OR51L1: variants seen among roughly 807,000 people sequenced by gnomAD.
OR51L1 encodes the protein olfactory receptor 51L1.
OR51L1 carries 1 observed loss-of-function variant against 1.4 expected under a neutral mutation model. The observed-to-expected ratio is 0.72, with a 90% confidence interval of 0.26 to 3.42. The LOEUF (loss-of-function observed/expected upper bound fraction) is 3.42, where lower values mean the gene tolerates loss of function less well. Among genes scored for constraint, OR51L1 ranks in the 30% most tolerant of loss-of-function variants. The pLI is 0.20. For synonymous variants in OR51L1, 156 were observed against 144.2 expected (o/e 1.08, Z -0.59); for missense variants, 378 against 380.0 (o/e 0.99, Z 0.04).
chr11:4,995,806 T>G (rs1271648836), intron 1 of OR51L1, among the ~76,000 whole-genome samples: 1 of 150,938 alleles, frequency 6.6e-6, no homozygotes, highest in Non-Finnish European at 1.5e-5. Flanking sequence ...AGAAATAGAG[T>G]CAAAAGAAAA....
chr11:5,001,427 C>T lies in OR51L1; in HGVS notation c.*1497C>T, dbSNP rs1847130751. 1 of 152,128 alleles carries T rather than the reference C, an allele frequency of 6.6e-6. No individual in the cohort carries two copies. The allele number at this position is 152,128 out of a possible 1,614,324, so 9.4% of individuals were successfully genotyped here. On this transcript the variant is annotated 3_prime_UTR_variant, in exon 3 of 3. Coordinates refer to ENST00000641819, the MANE Select transcript of OR51L1 (RefSeq NM_001004755.2). ...ACAGGAATTGTTGAAGAAAGCCTGA[C>T]AGTACATGTCTAACCATCTGGGCAA...
chr11:4,999,093 T>C lies in OR51L1; in HGVS notation c.111T>C (p.Tyr37=). The change falls in exon 3 of 3, where the codon TAT becomes TAC. Residue 37 remains tyrosine (Y), a synonymous_variant. Transcript: ENST00000641819. ...TCTCCATCCTCTTCTGTCTTGCATA[T>C]TTGGTAGCATTTATGGGTAATGTTA... ...SWLSILFCLA[Y]LVAFMGNVTI... is the part of the protein sequence containing the mutation. 6.2e-7 allele frequency: 1 copy of C among 1,614,160 alleles called. No homozygotes were observed. Among genetic ancestry groups the C allele is most frequent in the Non-Finnish European group, 8.5e-7 (1 of 1,180,000 alleles).
rs1847153700 is a variant in OR51L1, at chr11:5,003,948, A to G, written c.*4018A>G. ...TGTATTTTTAAGGAGATATTTGCCT[A>G]TTCTGTCATTCAGGATCCAGTAAGA... is the stretch of plus-strand genomic sequence containing the variant. On this transcript the variant is annotated 3_prime_UTR_variant, in exon 3 of 3. Transcript: ENST00000641819. 1 of 152,178 alleles carries G rather than the reference A, an allele frequency of 6.6e-6. No homozygotes were observed. Among genetic ancestry groups the G allele is most frequent in the African/African-American group, 2.4e-5 (1 of 41,450 alleles). The allele number at this position is 152,178 out of a possible 1,614,324, so 9.4% of individuals were successfully genotyped here.
Position 4,998,955 on chromosome 11 carries a change from A to G in OR51L1, c.-28A>G, listed in dbSNP as rs373038829. 8 of 1,594,684 alleles carry G rather than the reference A, an allele frequency of 5.0e-6. No homozygotes were observed. The highest frequency in any genetic ancestry group is 1.3e-5 in the African/African-American group (1 of 74,362). ...GGAAGGAAAACACGAACCATTCCTCACTACTTGCTGAATTACTCAAAGTCA... is the reference window on the plus strand; with the variant it reads ...GGAAGGAAAACACGAACCATTCCTCGCTACTTGCTGAATTACTCAAAGTCA... On this transcript the variant is annotated 5_prime_UTR_variant, in exon 3 of 3. Coordinates refer to ENST00000641819, the MANE Select transcript of OR51L1 (RefSeq NM_001004755.2).
At chr11:4,997,761 A>G (rs973872299) in intron 2 of OR51L1, among the ~76,000 whole-genome samples, 178 bp downstream of exon 2, 3 of 152,182 alleles carry the variant, frequency 2.0e-5, no homozygotes, top group African/African-American at 7.2e-5. Flanking sequence ...GGCTATTACA[A>G]TAACAATTGC....
At position 4,997,464 on chromosome 11, in the gene OR51L1, AT is replaced by A. The variant is rs1847083241; in HGVS notation, c.-261-17del. On this transcript the variant is annotated splice_polypyrimidine_tract_variant and intron_variant, in intron 1 of 2. Coordinates refer to ENST00000641819, the MANE Select transcript of OR51L1 (RefSeq NM_001004755.2). ...TTACTCTAGGATGAGGCTAAGTCTT[AT>A]CTTAATCTTTCAAAAGGTCAGAGAC... 6.6e-6 allele frequency: 1 copy of A among 152,204 alleles called. No homozygotes were observed. The highest frequency in any genetic ancestry group is 1.5e-5 in the Non-Finnish European group (1 of 68,036). 9.4% of individuals were successfully genotyped at this position (152,204 alleles called of 1,614,324 possible).
Position 5,003,658 on chromosome 11 carries a change from T to C in OR51L1, c.*3728T>C, listed in dbSNP as rs893290721. 2.0e-5 allele frequency: 3 copies of C among 152,160 alleles called. No individual in the cohort carries two copies. The highest frequency in any genetic ancestry group is 2.9e-5 in the Non-Finnish European group (2 of 68,034). 9.4% of individuals were successfully genotyped at this position (152,160 alleles called of 1,614,324 possible). On this transcript the variant is annotated 3_prime_UTR_variant, in exon 3 of 3. Transcript: ENST00000641819. The stretch of plus-strand genomic sequence containing the variant: ...ATAAAATTCTCAAGGATTCCTTTTT[T>C]TCAGGCAGATGAAACAGGATGAGAA...
chr11:5,000,127 C>T lies in OR51L1; in HGVS notation c.*197C>T, dbSNP rs1240541712. 16 of 547,906 alleles carry T rather than the reference C, an allele frequency of 2.9e-5. No individual in the cohort carries two copies. The highest frequency in any genetic ancestry group is 2.3e-4 in the South Asian group (7 of 30,438). 33.9% of individuals were successfully genotyped at this position (547,906 alleles called of 1,614,324 possible). A position where few individuals can be genotyped will look rare whatever the true frequency, so the allele number is the denominator to read the frequency against. On this transcript the variant is annotated 3_prime_UTR_variant, in exon 3 of 3. Transcript: ENST00000641819. ...ACAAATTGTGACAACTATGGCCTTA[C>T]GTTGTCCCCAGGTCATTACAAGACT...
In OR51L1 at chr11:4,998,912, G is replaced by C; in HGVS notation, c.-71G>C. 6.6e-7 allele frequency: 1 copy of C among 1,505,828 alleles called. No individual in the cohort carries two copies. The highest frequency in any genetic ancestry group is 9.0e-7 in the Non-Finnish European group (1 of 1,112,238). The allele number at this position is 1,505,828 out of a possible 1,614,324, so 93.3% of individuals were successfully genotyped here. On this transcript the variant is annotated 5_prime_UTR_variant, in exon 3 of 3. Coordinates refer to ENST00000641819, the MANE Select transcript of OR51L1 (RefSeq NM_001004755.2). ...CATTCCATTATTTGTACTCAAAAGA[G>C]ATAACTTTGAGGGATCAGGAAGGAA...
At chr11:4,996,705 TCCTTC>T (rs1275411061) in intron 1 of OR51L1, among the ~76,000 whole-genome samples, 31 of 133,540 alleles carry the variant, frequency 2.3e-4, no homozygotes, top group African/African-American at 8.7e-4. Flanking sequence ...TTCTTTTCCT[TCCTTC>T]CTTTCTTTTC....
intron 1 of OR51L1, among the ~76,000 whole-genome samples, chr11:4,997,017 G>A (rs1248282180): frequency 6.6e-6 from 1 of 152,114 alleles, no homozygotes; most frequent in East Asian, 1.9e-4. Context: ...TACTCTGCTG[G>A]GTGTGAAGAA....
rs1393597878 is a variant in OR51L1 at position 5,001,135 on chromosome 11, A to C, written c.*1205A>C. 1 of 151,910 alleles carries C rather than the reference A, an allele frequency of 6.6e-6. No individual in the cohort carries two copies. Among genetic ancestry groups the C allele is most frequent in the East Asian group, 1.9e-4 (1 of 5,160 alleles). 9.4% of individuals were successfully genotyped at this position (151,910 alleles called of 1,614,324 possible). A position where few individuals can be genotyped will look rare whatever the true frequency, so the allele number is the denominator to read the frequency against. On this transcript the variant is annotated 3_prime_UTR_variant, in exon 3 of 3. Coordinates refer to ENST00000641819, the MANE Select transcript of OR51L1 (RefSeq NM_001004755.2). ...ACCATGTTGGGCAGGCTGGACTCGA[A>C]CTCCTGACCTCAGGTGATCTGCCCA...
At chr11:4,996,710 C>T (rs60192972) in intron 1 of OR51L1, among the ~76,000 whole-genome samples, 19 of 81,180 alleles carry the variant, frequency 2.3e-4, no homozygotes, top group African/African-American at 8.5e-4. Context: ...TTCCTTCCTT[C>T]CTTTCTTTTC....
In OR51L1 at chr11:4,999,810, C is replaced by T; in HGVS notation, c.828C>T (p.Ile276=). The change falls in exon 3 of 3, where the codon ATC becomes ATT. Residue 276 remains isoleucine, a synonymous_variant. Transcript: ENST00000641819. ...FGKHLSPIVH[I]LMADIYLLLP... is the part of the protein sequence containing the mutation. Reference sequence around the variant, plus strand: ...AGCATCTGTCTCCCATAGTCCACATCCTCATGGCAGACATCTACCTTCTTC... The same window carrying T: ...AGCATCTGTCTCCCATAGTCCACATTCTCATGGCAGACATCTACCTTCTTC... 1 of 1,614,042 alleles carries T rather than the reference C, an allele frequency of 6.2e-7. No homozygotes were observed. Among genetic ancestry groups the T allele is most frequent in the African/African-American group, 1.3e-5 (1 of 75,006 alleles).
chr11:4,999,036 T>A lies in OR51L1; in HGVS notation c.54T>A (p.Gly18=), dbSNP rs1188873452. ...DAVEPIFILR[G]FPGLEYVHSW... is the part of the protein sequence containing the mutation. ...TGGAGCCCATATTTATCCTGAGGGG[T>A]TTTCCTGGACTGGAGTATGTTCATT... The change falls in exon 3 of 3, where the codon GGT becomes GGA. Residue 18 remains glycine (G), a synonymous_variant. Coordinates refer to ENST00000641819, the MANE Select transcript of OR51L1 (RefSeq NM_001004755.2). 3 of 1,613,862 alleles carry A rather than the reference T, an allele frequency of 1.9e-6. No individual in the cohort carries two copies. In the Admixed American group the frequency reaches 5.0e-5, roughly 27 times the overall value.
Position 4,999,541 on chromosome 11 carries a change from C to G in OR51L1, c.559C>G (p.Leu187Val). The change falls in exon 3 of 3, where the codon CTA (leucine) becomes GTA (valine). Residue 187 changes from leucine (L) to valine (V), a missense_variant. By Grantham distance (32) the Leu-to-Val change is conservative. Coordinates refer to ENST00000641819, the MANE Select transcript of OR51L1 (RefSeq NM_001004755.2). ...CGCCTTCTGTTTGCACCAGGATGTT[C>G]TAAGATTATCCTGTACAGATGCCAG... is the stretch of plus-strand genomic sequence containing the variant. ...SHAFCLHQDV[L>V]RLSCTDARTN... The G allele has an allele frequency of 6.2e-7, 1 of 1,614,018 alleles. No homozygotes were observed.
chr11:4,996,721 T>TTTTCTTTCTTTCTTTC (rs61073391), intron 1 of OR51L1, among the ~76,000 whole-genome samples: 5,435 of 106,230 alleles, frequency 0.051, 220 homozygotes, highest in East Asian at 0.088. Context: ...CTTTCTTTTC[T>TTTTCTTTCTTTCTTTC]TTTCTTTCTT....
Position 5,004,106 on chromosome 11 carries a change from GA to G in OR51L1, c.*4182del, listed in dbSNP as rs1847155067. On this transcript the variant is annotated 3_prime_UTR_variant, in exon 3 of 3. Transcript: ENST00000641819. ...CTAGAGCTAAGAGAGAATATTGAAAGAAAAAACAAACTTGGAAAATGGGGAA... is the reference window on the plus strand; with the variant it reads ...CTAGAGCTAAGAGAGAATATTGAAAGAAAAACAAACTTGGAAAATGGGGAA... 6.6e-6 allele frequency: 1 copy of G among 152,048 alleles called. No homozygotes were observed. The highest frequency in any genetic ancestry group is 2.1e-4 in the South Asian group (1 of 4,822). 9.4% of individuals were successfully genotyped at this position (152,048 alleles called of 1,614,324 possible).
chr11:4,999,677 C>A lies in OR51L1; in HGVS notation c.695C>A (p.Ser232Tyr). ...LILNTVLDIA[S>Y]REEQLKALNT... is the part of the protein sequence containing the mutation. ...CTTAATACTGTGCTGGATATTGCAT[C>A]TCGTGAAGAGCAGCTAAAGGCACTC... Residue 232 changes from serine (S) to tyrosine (Y), a missense_variant, in exon 3 of 3, where the codon TCT becomes TAT. Transcript: ENST00000641819. The A allele has an allele frequency of 6.2e-7, 1 of 1,614,032 alleles. No individual in the cohort carries two copies.
Sources: allele counts gnomAD v4.1 joint callset (sites outside exome capture counted in the v4.1 genomes callset), GRCh38; gene constraint gnomAD v4.1.1; transcripts MANE v1.5; gene names NCBI Gene and HGNC (gene_info 2026-07-23, HGNC 2026-07-21).